MED12L: variants seen among roughly 807,000 people sequenced by gnomAD.
MED12L encodes the protein mediator complex subunit 12L.
A neutral mutation model predicts 281.3 loss-of-function variants in MED12L; 60 were observed. That is an observed-to-expected ratio of 0.21 (90% CI 0.17 to 0.26). MED12L has a LOEUF of 0.26. Ranked by LOEUF, MED12L falls within the 10% of genes least tolerant of loss-of-function variation. MED12L has a pLI of 1.00. For missense variants in MED12L, 2,146 were observed against 2,680.9 expected (o/e 0.80, Z 4.41); for synonymous variants, 974 against 987.2 (o/e 0.99, Z 0.25).
intron 16 of MED12L, among the ~76,000 whole-genome samples, chr3:151,270,319 A>G (rs1740698063): frequency 6.6e-6 from 1 of 151,292 alleles, no homozygotes; most frequent in Non-Finnish European, 1.5e-5. Context: ...TTTGGGGGGA[A>G]AATAACTTGA....
intron 43 of MED12L, among the ~76,000 whole-genome samples, chr3:151,424,720 C>G (rs1718674092): frequency 6.6e-6 from 1 of 152,208 alleles, no homozygotes; most frequent in African/African-American, 2.4e-5. Context: ...CAGCTGCTAG[C>G]TCTGTCTGAG....
rs769187451 is a variant in MED12L at position 151,382,637 on chromosome 3, G to GT, written c.4591-12dup. 3 of 1,591,492 alleles carry GT rather than the reference G, an allele frequency of 1.9e-6. No homozygotes were observed. Among genetic ancestry groups the GT allele is most frequent in the Non-Finnish European group, 2.6e-6 (3 of 1,167,034 alleles). ...GAGAAAAATTAAACTTTAATGGGGA[G>GT]TTTTTTTCCGGATCTTAGATTTTAA... is the stretch of plus-strand genomic sequence containing the variant. On this transcript the variant is annotated intron_variant, in intron 32 of 44. Coordinates refer to ENST00000687756, the MANE Select transcript of MED12L (RefSeq NM_001393769.1).
At chr3:151,178,981 A>G (rs948423385) in intron 11 of MED12L, among the ~76,000 whole-genome samples, 2 of 152,224 alleles carry the variant, frequency 1.3e-5, no homozygotes, top group African/African-American at 4.8e-5. Context: ...TGTGTCTGCT[A>G]TCAGTCCTAT....
rs1720117590 is a variant in MED12L, at chr3:151,435,882, G to A, written c.*3078G>A. The A allele has an allele frequency of 6.6e-6, 1 of 151,814 alleles. No homozygotes were observed. Among genetic ancestry groups the A allele is most frequent in the South Asian group, 2.1e-4 (1 of 4,818 alleles). 9.4% of individuals were successfully genotyped at this position (151,814 alleles called of 1,614,324 possible). A position where few individuals can be genotyped will look rare whatever the true frequency, so the allele number is the denominator to read the frequency against. On this transcript the variant is annotated 3_prime_UTR_variant, in exon 45 of 45. Transcript: ENST00000687756. ...TTTTCCCATCCCATAAAGAATTAAT[G>A]AAATGAAATGCTTATAGAGCAACGA...
chr3:151,230,835 T>A (rs1193507411), intron 16 of MED12L, among the ~76,000 whole-genome samples: 1 of 152,180 alleles, frequency 6.6e-6, no homozygotes, highest in African/African-American at 2.4e-5. Context: ...AAGTAGTGAC[T>A]TCCCACTGTC....
chr3:151,400,117 G>A (rs543856004), intron 39 of MED12L, among the ~76,000 whole-genome samples: 57 of 152,126 alleles, frequency 3.7e-4, no homozygotes, highest in African/African-American at 1.2e-3. Context: ...GCGAGCCACC[G>A]CGCCAGGCCT....
chr3:151,281,774 AT>A (rs1272391883), intron 16 of MED12L, among the ~76,000 whole-genome samples: 1 of 152,182 alleles, frequency 6.6e-6, no homozygotes, highest in East Asian at 1.9e-4. Flanking sequence ...GTGCTCACAC[AT>A]TCTCCAATAC....
chr3:151,309,133 A>G (rs1308667581), intron 16 of MED12L, among the ~76,000 whole-genome samples: 28 of 132,326 alleles, frequency 2.1e-4, no homozygotes, highest in Non-Finnish European at 1.3e-4. Flanking sequence ...ACACACACAC[A>G]CACACACGCA....
At chr3:151,191,425 CA>C (rs1393999979) in intron 14 of MED12L, among the ~76,000 whole-genome samples, 4 of 152,174 alleles carry the variant, frequency 2.6e-5, no homozygotes, top group African/African-American at 9.7e-5. Context: ...CTCTGTTTCT[CA>C]AATGTTGTAG....
chr3:151,188,463 CA>C lies in MED12L; in HGVS notation c.1737del (p.Gln580ArgfsTer18). 1.9e-6 allele frequency: 3 copies of C among 1,612,970 alleles called. No homozygotes were observed. In the African/African-American group the frequency reaches 4.0e-5, roughly 22 times the overall value. ...FQNVLLRFLD[T>X]QAPSLSDPNS... Reference sequence around the variant, plus strand: ...AATGTGCTGTTAAGGTTTTTAGATACACAGGCCCCCTCTTTGTGTAAGTAGA... The same window carrying C: ...AATGTGCTGTTAAGGTTTTTAGATACCAGGCCCCCTCTTTGTGTAAGTAGA... On this transcript the variant is annotated frameshift_variant, in exon 13 of 45. Coordinates refer to ENST00000687756, the MANE Select transcript of MED12L (RefSeq NM_001393769.1). LOFTEE classifies it high-confidence loss of function.
chr3:151,418,738 A>G (rs1231342230), intron 43 of MED12L, among the ~76,000 whole-genome samples: 2 of 152,210 alleles, frequency 1.3e-5, no homozygotes, highest in Non-Finnish European at 2.9e-5. Flanking sequence ...TTATGAGAAT[A>G]GTTTGATAAA....
chr3:151,267,878 A>G (rs1456983715), intron 16 of MED12L, among the ~76,000 whole-genome samples: 3 of 152,210 alleles, frequency 2.0e-5, no homozygotes, highest in Non-Finnish European at 4.4e-5. Flanking sequence ...ACAGTGTTTG[A>G]GAATAGCTTT....
chr3:151,188,687 A>G (rs1723578758), intron 13 of MED12L, among the ~76,000 whole-genome samples: 1 of 152,234 alleles, frequency 6.6e-6, no homozygotes, highest in Admixed American at 6.5e-5. Context: ...ACTTTAAAAT[A>G]ATTGTTAAAA....
intron 16 of MED12L, among the ~76,000 whole-genome samples, chr3:151,348,735 GAAAGACAGACCGACAC>G (rs951966687): frequency 1.3e-5 from 2 of 152,178 alleles, no homozygotes; most frequent in African/African-American, 2.4e-5. Context: ...GTGTCCCTGA[GAAAGACAGACCGACAC>G]AAAGACTGAG....
intron 11 of MED12L, among the ~76,000 whole-genome samples, chr3:151,168,506 G>A (rs1158924928): frequency 2.6e-5 from 4 of 152,130 alleles, no homozygotes; most frequent in Non-Finnish European, 5.9e-5. Flanking sequence ...GAGTCCTGGA[G>A]GCTCTAGGCA....
At chr3:151,369,740 G>C (rs1364343400) in intron 26 of MED12L, among the ~76,000 whole-genome samples, 191 bp downstream of exon 26, 1 of 152,144 alleles carries the variant, frequency 6.6e-6, no homozygotes, top group South Asian at 2.1e-4. Flanking sequence ...CCCTTATCTA[G>C]TGTCTCTGGG....
chr3:151,242,138 C>G (rs898972767), intron 16 of MED12L, among the ~76,000 whole-genome samples: 1 of 152,186 alleles, frequency 6.6e-6, no homozygotes, highest in Non-Finnish European at 1.5e-5. Context: ...CATGGAGTCT[C>G]GCTGATTGCT....
chr3:151,196,804 G>A (rs1236490142), intron 16 of MED12L, among the ~76,000 whole-genome samples: 1 of 152,200 alleles, frequency 6.6e-6, no homozygotes, highest in Non-Finnish European at 1.5e-5. Flanking sequence ...TCACTGCAGA[G>A]TCAGAATATT....
intron 16 of MED12L, among the ~76,000 whole-genome samples, chr3:151,320,519 TAGTC>T (rs1208917312): frequency 1.3e-5 from 2 of 152,086 alleles, no homozygotes; most frequent in African/African-American, 2.4e-5. Context: ...AGCCCTTTAA[TAGTC>T]AGTCCTTTGA....
Sources: gnomAD v4.1 joint callset for allele counts (sites outside exome capture counted in the v4.1 genomes callset) on GRCh38, gnomAD v4.1.1 for gene constraint, MANE v1.5 for transcripts, NCBI Gene and HGNC (gene_info 2026-07-23, HGNC 2026-07-21) for gene names.